The following ENPP3 variants were observed in gnomAD, a reference collection of about 807,000 sequenced individuals.
ENPP3 encodes ectonucleotide pyrophosphatase/phosphodiesterase 3.
In ENPP3, 104 loss-of-function variants were observed where a neutral mutation model predicts 117.8. That is an observed-to-expected ratio of 0.88 (90% CI 0.75 to 1.04). ENPP3 has a LOEUF of 1.04. Ranked by LOEUF, ENPP3 falls within the 50% of genes least tolerant of loss-of-function variation. The pLI, the probability that ENPP3 is intolerant of heterozygous loss-of-function variation, is 0.00. For missense variants in ENPP3, 1,026 were observed against 1,051.9 expected (o/e 0.98, Z 0.34); for synonymous variants, 380 against 349.9 (o/e 1.09, Z -0.96).
intron 6 of ENPP3, among the ~76,000 whole-genome samples, chr6:131,661,966 A>G (rs2114347019): frequency 6.6e-6 from 1 of 152,292 alleles, no homozygotes; most frequent in Admixed American, 6.5e-5. Flanking sequence ...TCATGAAATC[A>G]TTGCCAAGAC....
Position 131,652,984 on chromosome 6 carries a change from A to G in ENPP3, c.464+93A>G, listed in dbSNP as rs955190992. The G allele has an allele frequency of 6.1e-6, 5 of 818,192 alleles. No individual in the cohort carries two copies. The African/African-American group carries it at 6.8e-5, about 11-fold the overall frequency. 50.7% of individuals were successfully genotyped at this position (818,192 alleles called of 1,614,324 possible). A position where few individuals can be genotyped will look rare whatever the true frequency, so the allele number is the denominator to read the frequency against. Reference sequence around the variant, plus strand: ...TGAGACGCAGAGAGGAATTTCCCCCAATTCATGTACATTTCAAAACAGAAT... The same window carrying G: ...TGAGACGCAGAGAGGAATTTCCCCCGATTCATGTACATTTCAAAACAGAAT... On this transcript the variant is annotated intron_variant, in intron 5 of 24. Transcript: ENST00000357639.
In ENPP3 at chr6:131,723,175, A is replaced by C. The variant is rs549945735; in HGVS notation, c.1746+770A>C. 5.5e-4 allele frequency among the ~76,000 whole-genome samples: 84 copies of C among 152,332 alleles called. No homozygotes were observed. The Middle Eastern group carries it at 0.017, about 31-fold the overall frequency. ...GTTCCAAATGTGTTTGTAGAACTAA[A>C]TAAAAACACCTGCTGCCTCAGGTAA... On this transcript the variant is annotated intron_variant, in intron 18 of 24. Coordinates refer to ENST00000357639, the MANE Select transcript of ENPP3 (RefSeq NM_005021.5).
chr6:131,738,043 ACTTCCACAGTGTT>A lies in ENPP3; in HGVS notation c.2185_2197del (p.His729LeufsTer2), dbSNP rs1562483064. The A allele has an allele frequency of 6.3e-7, 1 of 1,592,664 alleles. No individual in the cohort carries two copies. Among genetic ancestry groups the A allele is most frequent in the Admixed American group, 1.8e-5 (1 of 56,584 alleles). On this transcript the variant is annotated frameshift_variant, in exon 23 of 25. Coordinates refer to ENST00000357639, the MANE Select transcript of ENPP3 (RefSeq NM_005021.5). LOFTEE classifies it high-confidence loss of function. ...ATTTTATTTTTAGAAATGTGGGACTACTTCCACAGTGTTCTTCTTATAAAACATGCCACAGAAA... is the reference window on the plus strand; with the variant it reads ...ATTTTATTTTTAGAAATGTGGGACTACTTCTTATAAAACATGCCACAGAAA...
chr6:131,737,968 T>C lies in ENPP3; in HGVS notation c.2168-63T>C. The C allele has an allele frequency of 3.4e-6, 4 of 1,183,724 alleles. No individual in the cohort carries two copies. In the South Asian group the frequency reaches 4.7e-5, roughly 14 times the overall value. 73.3% of individuals were successfully genotyped at this position (1,183,724 alleles called of 1,614,324 possible). A position where few individuals can be genotyped will look rare whatever the true frequency, so the allele number is the denominator to read the frequency against. ...GTTATTTAAATGTACTTGTCTATAA[T>C]AGAAAATAGTGTCATATTTCACTGA... On this transcript the variant is annotated intron_variant, in intron 22 of 24. Transcript: ENST00000357639.
At chr6:131,671,216 A>G (rs758363656) in intron 6 of ENPP3, 32 bp from the exon 7 acceptor site, 8 of 1,260,226 alleles carry the variant, frequency 6.3e-6, no homozygotes, top group East Asian at 2.3e-5. Flanking sequence ...AGAAGAAACA[A>G]CTTCCTAATT....
At chr6:131,647,433 C>T (rs1431079446) in intron 2 of ENPP3, among the ~76,000 whole-genome samples, 1 of 152,042 alleles carries the variant, frequency 6.6e-6, no homozygotes, top group Non-Finnish European at 1.5e-5. Flanking sequence ...GAATATTTCT[C>T]AACATAGATC....
At chr6:131,726,485 G>C (rs1780157643) in intron 20 of ENPP3, among the ~76,000 whole-genome samples, 1 of 152,140 alleles carries the variant, frequency 6.6e-6, no homozygotes, top group South Asian at 2.1e-4. Context: ...AGAAGCAACA[G>C]GAAGTACAGA....
At chr6:131,675,920 C>T (rs1227828230) in intron 9 of ENPP3, among the ~76,000 whole-genome samples, 1 of 152,086 alleles carries the variant, frequency 6.6e-6, no homozygotes, top group Admixed American at 6.6e-5. Flanking sequence ...CTTCAATGGC[C>T]CCCTGTGTCA....
At chr6:131,692,813 T>A (rs1416980126) in intron 14 of ENPP3, among the ~76,000 whole-genome samples, 1 of 144,496 alleles carries the variant, frequency 6.9e-6, no homozygotes. Flanking sequence ...ATATGATATA[T>A]GATATATGAT....
chr6:131,728,380 G>A (rs1024875063), intron 20 of ENPP3, among the ~76,000 whole-genome samples: 1 of 152,108 alleles, frequency 6.6e-6, no homozygotes, highest in Admixed American at 6.5e-5. Context: ...AACCAAAGGC[G>A]GAGAGATTCT....
At chr6:131,733,507 T>A (rs1035214895) in intron 20 of ENPP3, 81 bp from the exon 21 acceptor site, 14 of 1,447,086 alleles carry the variant, frequency 9.7e-6, no homozygotes, top group Non-Finnish European at 1.3e-5. Context: ...TGAAAAACAT[T>A]CTAGGGAAGT....
At chr6:131,738,955 T>C (rs1450598605) in intron 23 of ENPP3, among the ~76,000 whole-genome samples, 1 of 152,196 alleles carries the variant, frequency 6.6e-6, no homozygotes, top group African/African-American at 2.4e-5. Flanking sequence ...TGAATCAATA[T>C]TTCAGTATTG....
intron 11 of ENPP3, among the ~76,000 whole-genome samples, chr6:131,678,921 CTTTCTTTCTTTCTTTCTT>C (rs1562446446): frequency 0.021 from 1,443 of 69,000 alleles, 48 homozygotes; most frequent in African/African-American, 0.077. Flanking sequence ...TTCTTTCTTT[CTTTCTTTCTTTCTTTCTT>C]TCTTTCTTTC....
intron 20 of ENPP3, among the ~76,000 whole-genome samples, chr6:131,732,922 G>T (rs866851234): frequency 0.06 from 9,128 of 151,282 alleles, 881 homozygotes; most frequent in African/African-American, 0.21. Flanking sequence ...TAGAGACGGG[G>T]TTCACCATGT....
Position 131,673,199 on chromosome 6 carries a change from T to A in ENPP3, c.643-963T>A, listed in dbSNP as rs151167315. On this transcript the variant is annotated intron_variant, in intron 7 of 24. Coordinates refer to ENST00000357639, the MANE Select transcript of ENPP3 (RefSeq NM_005021.5). ...TAAACCATAATAGAACTAGAAAAAA[T>A]ATATATATATACACACTTGGCCCTC... Among the ~76,000 whole-genome samples the A allele has an allele frequency of 4.0e-3, 603 of 151,950 alleles. 2 individuals carry two copies. Among genetic ancestry groups the A allele is most frequent in the African/African-American group, 0.01 (423 of 41,430 alleles).
At chr6:131,725,828 T>C (rs1468936115) in intron 19 of ENPP3, among the ~76,000 whole-genome samples, 1 of 152,058 alleles carries the variant, frequency 6.6e-6, no homozygotes, top group African/African-American at 2.4e-5. Flanking sequence ...ATCTGTAAAA[T>C]GGAGTAATAA....
At chr6:131,686,687 C>T (rs992352107) in intron 14 of ENPP3, among the ~76,000 whole-genome samples, 2 of 152,114 alleles carry the variant, frequency 1.3e-5, no homozygotes, top group Non-Finnish European at 2.9e-5. Flanking sequence ...TAGTAGTCCA[C>T]AGTGTCTATT....
intron 20 of ENPP3, among the ~76,000 whole-genome samples, chr6:131,732,690 C>T (rs912000877): frequency 1.3e-5 from 2 of 150,452 alleles, no homozygotes; most frequent in East Asian, 3.9e-4. Flanking sequence ...CTGGCATGAG[C>T]CACCAAGCCT....
At chr6:131,693,398 A>T in intron 14 of ENPP3, 99 bp from the exon 15 acceptor site, 1 of 1,058,352 alleles carries the variant, frequency 9.4e-7, no homozygotes, top group Non-Finnish European at 1.4e-6. Flanking sequence ...AAATCCCCTT[A>T]CTTTTAAAAG....
Sources: allele counts gnomAD v4.1 joint callset (sites outside exome capture counted in the v4.1 genomes callset), GRCh38; gene constraint gnomAD v4.1.1; transcripts MANE v1.5; gene names NCBI Gene and HGNC (gene_info 2026-07-23, HGNC 2026-07-21).